The following FRMD4A variants were observed in gnomAD, a reference collection of about 807,000 sequenced individuals.
The protein encoded by FRMD4A is FERM domain-containing protein 4A.
Under a neutral mutation model 129.1 loss-of-function variants are expected in FRMD4A, and 29 were observed. That is an observed-to-expected ratio of 0.22 (90% CI 0.17 to 0.31). The LOEUF is 0.31. Ranked by LOEUF, FRMD4A falls within the 10% of genes least tolerant of loss-of-function variation. The pLI is 1.00. For missense variants in FRMD4A, 1,272 were observed against 1,375.8 expected, an observed-to-expected ratio of 0.92 and a Z score of 1.19; for synonymous variants, 634 against 571.6, an observed-to-expected ratio of 1.11 and a Z score of -1.56.
chr10:13,847,661 T>C (rs1456474863), intron 3 of FRMD4A, among the ~76,000 whole-genome samples: 1 of 152,092 alleles, frequency 6.6e-6, no homozygotes, highest in Non-Finnish European at 1.5e-5. Context: ...GTGGGATGTG[T>C]GGACAAGGGA....
intron 2 of FRMD4A, among the ~76,000 whole-genome samples, chr10:14,017,725 G>A (rs553618263): frequency 2.6e-5 from 4 of 152,306 alleles, no homozygotes; most frequent in South Asian, 2.1e-4. Flanking sequence ...TGTGCCCAGG[G>A]ACATATCACT....
intron 2 of FRMD4A, among the ~76,000 whole-genome samples, chr10:14,178,360 T>C (rs190582403): frequency 6.6e-6 from 1 of 152,354 alleles, no homozygotes; most frequent in East Asian, 1.9e-4. Context: ...CCAATATTCA[T>C]TGAACATCCA....
intron 2 of FRMD4A, among the ~76,000 whole-genome samples, chr10:13,925,839 T>G (rs1179595244): frequency 6.6e-6 from 1 of 150,738 alleles, no homozygotes; most frequent in Admixed American, 6.6e-5. Context: ...CACCTCGGCC[T>G]CCCAGAGTGC....
intron 2 of FRMD4A, among the ~76,000 whole-genome samples, chr10:13,873,203 TA>T (rs2094456766): frequency 1.9e-5 from 2 of 104,590 alleles, no homozygotes; most frequent in African/African-American, 7.6e-5. Context: ...AATAAAAAAA[TA>T]AAAGAATAGT....
rs142366774 is a variant in FRMD4A at position 13,751,248 on chromosome 10, T to C, written c.465-3429A>G. Among the ~76,000 whole-genome samples, 554 of 152,258 alleles carry C rather than the reference T, an allele frequency of 3.6e-3. 7 individuals carry two copies. Among genetic ancestry groups the C allele is most frequent in the African/African-American group, 0.013 (534 of 41,522 alleles). Reference sequence around the variant, plus strand: ...AAGTTGCCCTGATGACAGCCACAGGTTTGATTTCCTCACTGAAGCCTGCAG... The same window carrying C: ...AAGTTGCCCTGATGACAGCCACAGGCTTGATTTCCTCACTGAAGCCTGCAG... On this transcript the variant is annotated intron_variant, in intron 8 of 24. Transcript: ENST00000357447.
intron 18 of FRMD4A, among the ~76,000 whole-genome samples, chr10:13,663,920 G>A (rs1044348621): frequency 6.6e-6 from 1 of 152,216 alleles, no homozygotes; most frequent in Non-Finnish European, 1.5e-5. Context: ...ACCAGGGTAG[G>A]CACTTTGCTT....
chr10:14,236,995 C>CAAAAAAAAAAAAAAAAAAAAA (rs71477244), intron 2 of FRMD4A, among the ~76,000 whole-genome samples: 1 of 75,394 alleles, frequency 1.3e-5, no homozygotes, highest in African/African-American at 4.7e-5. Context: ...AACAGGTCAG[C>CAAAAAAAAAAAAAAAAAAAAA]AAAAAAAAAA....
At chr10:14,253,174 CTGT>C (rs1420793429) in intron 2 of FRMD4A, among the ~76,000 whole-genome samples, 1 of 152,102 alleles carries the variant, frequency 6.6e-6, no homozygotes, top group African/African-American at 2.4e-5. Context: ...ATGTTAAAAA[CTGT>C]TGTTTGTTTT....
chr10:14,284,441 C>G (rs1481629362), intron 2 of FRMD4A, among the ~76,000 whole-genome samples: 1 of 152,086 alleles, frequency 6.6e-6, no homozygotes. Context: ...GAGATCAGGA[C>G]ATCAAGACCG....
At chr10:14,236,047 G>T (rs1843801325) in intron 2 of FRMD4A, among the ~76,000 whole-genome samples, 2 of 152,242 alleles carry the variant, frequency 1.3e-5, no homozygotes, top group South Asian at 2.1e-4. Context: ...GCTTCCTCTA[G>T]CTTCATGCAC....
chr10:14,278,046 G>A (rs868866331), intron 2 of FRMD4A, among the ~76,000 whole-genome samples: 5 of 152,248 alleles, frequency 3.3e-5, no homozygotes, highest in East Asian at 1.9e-4. Flanking sequence ...CACCAAGCTC[G>A]CAACACAAGC....
intron 12 of FRMD4A, among the ~76,000 whole-genome samples, chr10:13,733,503 A>G (rs1025766823): frequency 3.3e-5 from 5 of 151,950 alleles, no homozygotes; most frequent in African/African-American, 9.7e-5. Flanking sequence ...GCGCACTGCA[A>G]CCTCCGCCTC....
At chr10:14,007,544 A>G (rs2095666363) in intron 2 of FRMD4A, 1 of 153,040 alleles carries the variant, frequency 6.5e-6, no homozygotes, top group African/African-American at 2.4e-5. Context: ...TAAACCCCAA[A>G]TGATAGCAAT....
chr10:13,766,498 C>G (rs543810686), intron 6 of FRMD4A, among the ~76,000 whole-genome samples: 1 of 152,210 alleles, frequency 6.6e-6, no homozygotes, highest in Non-Finnish European at 1.5e-5. Context: ...ATTATTATTT[C>G]TGACCTCGCC....
chr10:13,680,082 C>G (rs771591092), intron 15 of FRMD4A, among the ~76,000 whole-genome samples: 4 of 152,244 alleles, frequency 2.6e-5, no homozygotes, highest in Non-Finnish European at 4.4e-5. Context: ...CACTGCCTGC[C>G]TTGATGCCCT....
chr10:13,914,548 C>T (rs1013428998), intron 2 of FRMD4A, among the ~76,000 whole-genome samples: 2 of 152,110 alleles, frequency 1.3e-5, no homozygotes, highest in African/African-American at 4.8e-5. Flanking sequence ...TTTATTATCC[C>T]TTGGTTGCAT....
chr10:14,301,173 A>G (rs535235748), intron 2 of FRMD4A, among the ~76,000 whole-genome samples: 1 of 152,206 alleles, frequency 6.6e-6, no homozygotes, highest in Non-Finnish European at 1.5e-5. Context: ...CTCCATGGAG[A>G]GGGCAATGGG....
intron 2 of FRMD4A, among the ~76,000 whole-genome samples, chr10:14,066,441 G>T (rs1462513259): frequency 2.0e-5 from 3 of 152,222 alleles, no homozygotes; most frequent in African/African-American, 7.2e-5. Context: ...ATTTGTTGAA[G>T]AAACAAGCAA....
intron 2 of FRMD4A, among the ~76,000 whole-genome samples, chr10:14,155,004 T>C (rs920580669): frequency 6.6e-6 from 1 of 152,234 alleles, no homozygotes; most frequent in Non-Finnish European, 1.5e-5. Context: ...TTTAAGATTA[T>C]TGTGGACTGC....
Sources: allele counts gnomAD v4.1 joint callset (sites outside exome capture counted in the v4.1 genomes callset), GRCh38; gene constraint gnomAD v4.1.1; transcripts MANE v1.5; gene names NCBI Gene and HGNC (gene_info 2026-07-23, HGNC 2026-07-21).